SYNPO2: variants seen among roughly 807,000 people sequenced by gnomAD.
The protein encoded by SYNPO2 is synaptopodin-2.
SYNPO2 carries 56 observed loss-of-function variants against 85.0 expected under a neutral mutation model. That is an observed-to-expected ratio of 0.66 (90% CI 0.53 to 0.82). The LOEUF is 0.82. SYNPO2 is among the 40% of genes least tolerant of loss of function. SYNPO2 has a pLI of 0.00. For synonymous variants in SYNPO2, 602 were observed against 591.1 expected, an observed-to-expected ratio of 1.02 and a Z score of -0.27; for missense variants, 1,575 against 1,534.2, an observed-to-expected ratio of 1.03 and a Z score of -0.44.
chr4:119,037,883 G>T (rs1321287651), intron 4 of SYNPO2: 1 of 182,844 alleles, frequency 5.5e-6, no homozygotes, highest in Non-Finnish European at 1.0e-5. Context: ...ACTTGCCAAA[G>T]ATCATACGAT....
At chr4:118,923,436 C>T (rs12507203) in intron 1 of SYNPO2, among the ~76,000 whole-genome samples, 92,945 of 151,876 alleles carry the variant, frequency 0.61, 29,371 homozygotes, top group East Asian at 0.81. Context: ...AAACTACCTA[C>T]CAGGTACTGT....
At chr4:118,914,374 T>C (rs1266645273) in intron 1 of SYNPO2, among the ~76,000 whole-genome samples, 2 of 151,972 alleles carry the variant, frequency 1.3e-5, no homozygotes, top group Non-Finnish European at 2.9e-5. Context: ...GAACAGAGTA[T>C]GTACAGAAAA....
chr4:119,013,101 G>A (rs960847881), intron 1 of SYNPO2, among the ~76,000 whole-genome samples: 23 of 152,236 alleles, frequency 1.5e-4, no homozygotes, highest in African/African-American at 5.3e-4. Context: ...GGTGTTACTT[G>A]TCCTTTTCAC....
At chr4:119,034,877 G>A in intron 4 of SYNPO2, 3 of 985,502 alleles carry the variant, frequency 3.0e-6, no homozygotes, top group Non-Finnish European at 3.6e-6. Flanking sequence ...TTTTCAATCT[G>A]AGTGTTGTTG....
intron 1 of SYNPO2, among the ~76,000 whole-genome samples, chr4:118,947,640 T>C (rs762971080): frequency 1.3e-5 from 2 of 152,232 alleles, no homozygotes; most frequent in Non-Finnish European, 2.9e-5. Context: ...GAAGTAATCA[T>C]CACACTTCTG....
intron 1 of SYNPO2, among the ~76,000 whole-genome samples, chr4:118,958,843 C>T (rs1362449576): frequency 2.0e-5 from 3 of 152,100 alleles, no homozygotes; most frequent in Non-Finnish European, 2.9e-5. Flanking sequence ...TTCTATGGTG[C>T]CCTTCTAGCC....
intron 1 of SYNPO2, among the ~76,000 whole-genome samples, chr4:118,918,474 C>T (rs1733429207): frequency 6.6e-6 from 1 of 152,148 alleles, no homozygotes; most frequent in Non-Finnish European, 1.5e-5. Context: ...GGGTTTATCA[C>T]TAGAAACAGG....
rs369864760 is a variant in SYNPO2 at position 119,051,186 on chromosome 4, A to ATTTTTTT, written c.3253-6200_3253-6194dup. Among the ~76,000 whole-genome samples the ATTTTTTT allele has an allele frequency of 5.6e-4, 56 of 100,642 alleles. 8 individuals are homozygous for ATTTTTTT. The highest frequency in any genetic ancestry group is 1.1e-3 in the South Asian group (3 of 2,770). 66.0% of individuals were successfully genotyped at this position (100,642 alleles called of 152,430 possible). Reference sequence around the variant, plus strand: ...CACTGGGGTAAAGCCATGGGAAGCAATTTTTTTTTTTTTTTTTTTTTGAGA... The same window carrying ATTTTTTT: ...CACTGGGGTAAAGCCATGGGAAGCAATTTTTTTTTTTTTTTTTTTTTTTTTTTTGAGA... On this transcript the variant is annotated intron_variant, in intron 4 of 4. Coordinates refer to ENST00000307142, the MANE Select transcript of SYNPO2 (RefSeq NM_133477.3).
intron 1 of SYNPO2, among the ~76,000 whole-genome samples, chr4:118,906,592 A>C (rs1426353331): frequency 6.6e-6 from 1 of 152,194 alleles, no homozygotes; most frequent in East Asian, 1.9e-4. Context: ...GAATTTGAAA[A>C]ATAAGGAAGT....
intron 1 of SYNPO2, among the ~76,000 whole-genome samples, chr4:118,949,266 A>T (rs1734612955): frequency 6.6e-6 from 1 of 152,184 alleles, no homozygotes; most frequent in African/African-American, 2.4e-5. Flanking sequence ...TGGTGGCAGG[A>T]GATTATTAGA....
At chr4:119,044,822 C>T (rs1373325035) in intron 4 of SYNPO2, among the ~76,000 whole-genome samples, 1 of 152,200 alleles carries the variant, frequency 6.6e-6, no homozygotes, top group East Asian at 1.9e-4. Flanking sequence ...AAAGCAGTTA[C>T]AAAGGCCAAC....
rs1171422735 is a variant in SYNPO2, at chr4:119,023,596, C to T, written c.257+15C>T. ...CTCATCAAAAGGTACAACAGATTTG[C>T]TGGAATATGTATTTTCTCTTGAAGC... On this transcript the variant is annotated intron_variant, in intron 2 of 4. Coordinates refer to ENST00000307142, the MANE Select transcript of SYNPO2 (RefSeq NM_133477.3). 3 of 1,605,088 alleles carry T rather than the reference C, an allele frequency of 1.9e-6. No individual in the cohort carries two copies. In the African/African-American group the frequency reaches 4.0e-5, roughly 22 times the overall value.
chr4:118,945,121 T>A (rs190670196), intron 1 of SYNPO2, among the ~76,000 whole-genome samples: 203 of 152,340 alleles, frequency 1.3e-3, no homozygotes, highest in African/African-American at 4.6e-3. Flanking sequence ...ACTCAATAAA[T>A]GTGAGCCATT....
intron 4 of SYNPO2, among the ~76,000 whole-genome samples, chr4:119,049,949 A>AT (rs975585800): frequency 2.6e-5 from 4 of 152,116 alleles, no homozygotes; most frequent in Non-Finnish European, 5.9e-5. Context: ...TTTAATCCAA[A>AT]TTTAATCCAA....
chr4:119,045,238 C>T (rs1738838444), intron 4 of SYNPO2, among the ~76,000 whole-genome samples: 2 of 152,202 alleles, frequency 1.3e-5, no homozygotes, highest in Non-Finnish European at 2.9e-5. Flanking sequence ...TACTGATAAT[C>T]ATTACTCTCA....
intron 1 of SYNPO2, among the ~76,000 whole-genome samples, chr4:118,904,385 C>A (rs1472605502): frequency 6.6e-6 from 1 of 152,196 alleles, no homozygotes; most frequent in African/African-American, 2.4e-5. Flanking sequence ...GGAGTCCCAC[C>A]TTGTGAAGTG....
At chr4:118,968,316 A>G (rs1735392204) in intron 1 of SYNPO2, among the ~76,000 whole-genome samples, 1 of 152,208 alleles carries the variant, frequency 6.6e-6, no homozygotes, top group Admixed American at 6.5e-5. Flanking sequence ...CAGGCAAATC[A>G]ACAAAGTCTG....
At position 119,031,917 on chromosome 4, in the gene SYNPO2, C is replaced by T. The variant is rs760952266; in HGVS notation, c.3142C>T (p.Pro1048Ser). 2.5e-6 allele frequency: 4 copies of T among 1,614,222 alleles called. No individual in the cohort carries two copies. The East Asian group carries it at 8.9e-5, about 36-fold the overall frequency. Reference sequence around the variant, plus strand: ...GGCCTCCTCACCAGTCAGTGCATCCCCAGTGCCTGTGGGCATTCCCACCTC... The same window carrying T: ...GGCCTCCTCACCAGTCAGTGCATCCTCAGTGCCTGTGGGCATTCCCACCTC... ...AEASSPVSAS[P>S]VPVGIPTSPK... The change falls in exon 4 of 5, where the codon CCA becomes TCA. Residue 1048 changes from proline (P) to serine (S), a missense_variant. Coordinates refer to ENST00000307142, the MANE Select transcript of SYNPO2 (RefSeq NM_133477.3).
intron 1 of SYNPO2, among the ~76,000 whole-genome samples, chr4:118,921,617 C>T (rs1407506313): frequency 6.6e-6 from 1 of 152,068 alleles, no homozygotes; most frequent in Non-Finnish European, 1.5e-5. Flanking sequence ...AAAAACCCTT[C>T]GATGCTTCCC....
Sources: gnomAD v4.1 joint callset for allele counts (sites outside exome capture counted in the v4.1 genomes callset) on GRCh38, gnomAD v4.1.1 for gene constraint, MANE v1.5 for transcripts, NCBI Gene and HGNC (gene_info 2026-07-23, HGNC 2026-07-21) for gene names.